The following FGGY variants were observed in gnomAD, a reference collection of about 807,000 sequenced individuals.
FGGY encodes the protein FGGY carbohydrate kinase domain containing, also known as FGGY carbohydrate kinase domain-containing protein.
A neutral mutation model predicts 71.3 loss-of-function variants in FGGY; 72 were observed. The observed-to-expected ratio is 1.01, with a 90% CI of 0.84 to 1.23. FGGY has a LOEUF of 1.23. Among genes scored for constraint, FGGY ranks in the 50% most tolerant of loss-of-function variants. The pLI, the probability that FGGY is intolerant of heterozygous loss-of-function variation, is 0.00. For missense variants in FGGY, 668 were observed against 682.3 expected, an observed-to-expected ratio of 0.98 and a Z score of 0.23; for synonymous variants, 251 against 250.3, an observed-to-expected ratio of 1.00 and a Z score of -0.02.
At chr1:59,757,300 T>A (rs562888987) in intron 14 of FGGY, among the ~76,000 whole-genome samples, 1 of 152,204 alleles carries the variant, frequency 6.6e-6, no homozygotes, top group African/African-American at 2.4e-5. Context: ...CCATACCATG[T>A]CTACCCAGAT....
At chr1:59,530,767 A>G (rs2095120710) in intron 7 of FGGY, among the ~76,000 whole-genome samples, 1 of 152,200 alleles carries the variant, frequency 6.6e-6, no homozygotes, top group South Asian at 2.1e-4. Context: ...CGAGTATACT[A>G]TAGTGTAGAG....
intron 5 of FGGY, among the ~76,000 whole-genome samples, chr1:59,385,595 T>A (rs1322937654): frequency 6.6e-6 from 1 of 150,668 alleles, no homozygotes; most frequent in African/African-American, 2.4e-5. Flanking sequence ...AGTCAAACAT[T>A]TGAATAGTAG....
At chr1:59,311,074 A>G (rs925753088) in intron 1 of FGGY, among the ~76,000 whole-genome samples, 1 of 152,092 alleles carries the variant, frequency 6.6e-6, no homozygotes, top group Non-Finnish European at 1.5e-5. Flanking sequence ...TAACTGGATC[A>G]TGGAGAAGGC....
intron 6 of FGGY, among the ~76,000 whole-genome samples, chr1:59,499,670 CAT>C (rs1328830163): frequency 6.6e-6 from 1 of 152,122 alleles, no homozygotes; most frequent in Non-Finnish European, 1.5e-5. Flanking sequence ...TCCATTTCTT[CAT>C]ATGTTTGAGA....
At chr1:59,602,618 A>G (rs2096588735) in intron 8 of FGGY, among the ~76,000 whole-genome samples, 2 of 152,174 alleles carry the variant, frequency 1.3e-5, no homozygotes, top group South Asian at 4.1e-4. Flanking sequence ...TGAAATCAAA[A>G]TGTGTTTACA....
intron 2 of FGGY, among the ~76,000 whole-genome samples, chr1:59,333,904 C>T (rs835383): frequency 0.02 from 3,078 of 152,256 alleles, 104 homozygotes; most frequent in African/African-American, 0.071. Context: ...TACCAGCAGT[C>T]ACAGATGGGT....
chr1:59,549,251 A>G (rs1035595781), intron 7 of FGGY, among the ~76,000 whole-genome samples: 2 of 152,238 alleles, frequency 1.3e-5, no homozygotes, highest in African/African-American at 4.8e-5. Context: ...AGCTTTGGCA[A>G]GAAACTCACT....
At chr1:59,303,831 A>G (rs1298930231) in intron 1 of FGGY, among the ~76,000 whole-genome samples, 1 of 151,922 alleles carries the variant, frequency 6.6e-6, no homozygotes, top group Non-Finnish European at 1.5e-5. Context: ...TTTGATTTAC[A>G]CTTTGCTGAT....
At chr1:59,353,142 C>T (rs1055401017) in intron 4 of FGGY, among the ~76,000 whole-genome samples, 2 of 152,190 alleles carry the variant, frequency 1.3e-5, no homozygotes, top group African/African-American at 4.8e-5. Context: ...AAGCTAAAAT[C>T]AACTTCTCTG....
At chr1:59,614,811 C>A (rs2096732847) in intron 9 of FGGY, among the ~76,000 whole-genome samples, 1 of 152,156 alleles carries the variant, frequency 6.6e-6, no homozygotes, top group Non-Finnish European at 1.5e-5. Context: ...TCCCCGGATA[C>A]AAAATCAATG....
intron 8 of FGGY, among the ~76,000 whole-genome samples, chr1:59,558,913 C>T (rs746254862): frequency 2.0e-5 from 3 of 152,112 alleles, no homozygotes; most frequent in African/African-American, 7.2e-5. Context: ...CGATATCTTC[C>T]CTACCTGCAC....
chr1:59,704,123 A>G (rs962742084), intron 14 of FGGY, among the ~76,000 whole-genome samples: 6 of 152,150 alleles, frequency 3.9e-5, no homozygotes, highest in African/African-American at 1.4e-4. Context: ...GCACATGTTC[A>G]GATGTGTGAG....
Position 59,300,434 on chromosome 1 carries a change from G to A in FGGY, c.-15+3284G>A, listed in dbSNP as rs114196583. On this transcript the variant is annotated intron_variant, in intron 1 of 15. Transcript: ENST00000303721. ...CAGATATTTTCTTATTTTGATGCTT[G>A]TCTCAACAGTGTCTTTTGAAAGCAG... is the stretch of plus-strand genomic sequence containing the variant. 2.9e-3 allele frequency among the ~76,000 whole-genome samples: 447 copies of A among 152,146 alleles called. 6 individuals are homozygous for A. The highest frequency in any genetic ancestry group is 0.01 in the African/African-American group (432 of 41,506).
chr1:59,421,346 AT>A (rs945628849), intron 5 of FGGY, among the ~76,000 whole-genome samples: 14 of 152,206 alleles, frequency 9.2e-5, no homozygotes, highest in Non-Finnish European at 1.3e-4. Flanking sequence ...ATAATTAGCT[AT>A]TTTTTGAAAG....
At chr1:59,596,108 C>A (rs1004149941) in intron 8 of FGGY, among the ~76,000 whole-genome samples, 1 of 152,082 alleles carries the variant, frequency 6.6e-6, no homozygotes, top group Non-Finnish European at 1.5e-5. Flanking sequence ...GCTCTTTCTT[C>A]TTTTTTACTG....
intron 5 of FGGY, among the ~76,000 whole-genome samples, chr1:59,410,436 A>G (rs2063442156): frequency 6.6e-6 from 1 of 152,176 alleles, no homozygotes; most frequent in African/African-American, 2.4e-5. Flanking sequence ...TAAGTGGAGG[A>G]GTGAGGATTT....
At chr1:59,480,220 A>G (rs1441535953) in intron 6 of FGGY, among the ~76,000 whole-genome samples, 7 of 152,116 alleles carry the variant, frequency 4.6e-5, no homozygotes, top group Non-Finnish European at 1.0e-4. Flanking sequence ...AGTCTTCCCA[A>G]TGCTTTTAGG....
chr1:59,383,775 A>G (rs2059759720), intron 5 of FGGY, among the ~76,000 whole-genome samples: 1 of 152,166 alleles, frequency 6.6e-6, no homozygotes, highest in Non-Finnish European at 1.5e-5. Flanking sequence ...AAATTTTTAA[A>G]TCTACCTACG....
intron 7 of FGGY, among the ~76,000 whole-genome samples, chr1:59,550,374 C>G (rs1264454249): frequency 6.6e-6 from 1 of 151,998 alleles, no homozygotes; most frequent in Non-Finnish European, 1.5e-5. Flanking sequence ...CATCAAAGCA[C>G]TGTGTGGCCA....
Sources: gnomAD v4.1 joint callset for allele counts (sites outside exome capture counted in the v4.1 genomes callset) on GRCh38, gnomAD v4.1.1 for gene constraint, MANE v1.5 for transcripts, NCBI Gene and HGNC (gene_info 2026-07-23, HGNC 2026-07-21) for gene names.